Variants in PTPRD observed in about 807,000 individuals in gnomAD.
PTPRD encodes protein tyrosine phosphatase receptor type D.
In PTPRD, 34 loss-of-function variants were observed where a neutral mutation model predicts 214.5. That is an observed-to-expected ratio of 0.16 (90% CI 0.12 to 0.21). The LOEUF is 0.21. PTPRD is among the 10% of genes least tolerant of loss of function. PTPRD has a pLI of 1.00. For synonymous variants in PTPRD, 1,128 were observed against 845.7 expected (o/e 1.33, Z -5.79); for missense variants, 2,545 against 2,398.7 (o/e 1.06, Z -1.27).
At chr9:9,888,740 C>T (rs960766792) in intron 5 of PTPRD, among the ~76,000 whole-genome samples, 1 of 152,062 alleles carries the variant, frequency 6.6e-6, no homozygotes, top group Non-Finnish European at 1.5e-5. Flanking sequence ...CCAAATAGGC[C>T]TCTTTTCTTT....
chr9:10,113,409 C>G (rs291294), intron 3 of PTPRD, among the ~76,000 whole-genome samples: 85,728 of 152,008 alleles, frequency 0.56, 25,230 homozygotes, highest in Middle Eastern at 0.77. Flanking sequence ...TTCCTCTGCA[C>G]AGATACAGAT....
chr9:9,830,612 T>C (rs747760109), intron 5 of PTPRD, among the ~76,000 whole-genome samples: 10 of 151,928 alleles, frequency 6.6e-5, no homozygotes, highest in Non-Finnish European at 1.2e-4. Context: ...CCTCTTCTCA[T>C]GTACTGCAGC....
rs550176168 is a variant in PTPRD at position 9,805,453 on chromosome 9, G to T, written c.-367-38602C>A. On this transcript the variant is annotated intron_variant, in intron 5 of 45. Coordinates refer to ENST00000381196, the MANE Select transcript of PTPRD (RefSeq NM_002839.4). ...ATTTGACTTCACAGGTTTATTCCTA[G>T]ATCAACTCTGTACCAGCTCAGTTAA... 2.0e-5 allele frequency among the ~76,000 whole-genome samples: 3 copies of T among 152,228 alleles called. No homozygotes were observed. In the East Asian group the frequency reaches 5.8e-4, roughly 29 times the overall value.
chr9:9,758,940 C>T (rs2098620444), intron 6 of PTPRD, among the ~76,000 whole-genome samples: 1 of 151,958 alleles, frequency 6.6e-6, no homozygotes, highest in African/African-American at 2.4e-5. Context: ...ATAGAATTGT[C>T]AAATGTGATT....
chr9:10,123,758 A>G (rs2098794679), intron 3 of PTPRD, among the ~76,000 whole-genome samples: 1 of 152,224 alleles, frequency 6.6e-6, no homozygotes, highest in Non-Finnish European at 1.5e-5. Flanking sequence ...ACTGATGCTC[A>G]TGGTGTTAAG....
intron 10 of PTPRD, among the ~76,000 whole-genome samples, chr9:9,140,674 G>T (rs2099858745): frequency 1.3e-5 from 2 of 152,206 alleles, no homozygotes; most frequent in South Asian, 2.1e-4. Flanking sequence ...CGCCTCCCGG[G>T]TTCACGCCAT....
chr9:9,869,456 C>T (rs1402741872), intron 5 of PTPRD, among the ~76,000 whole-genome samples: 1 of 152,108 alleles, frequency 6.6e-6, no homozygotes, highest in Non-Finnish European at 1.5e-5. Context: ...TCTCTGTGGA[C>T]ACTACCTGGA....
rs189906412 is a variant in PTPRD at position 8,963,174 on chromosome 9, T to C, written c.-104+55523A>G. On this transcript the variant is annotated intron_variant, in intron 11 of 45. Coordinates refer to ENST00000381196, the MANE Select transcript of PTPRD (RefSeq NM_002839.4). ...AATATGATTCCATTCATTTACAGTA[T>C]AAAAAAGGAAAACTGAGACTTGTAA... 12 of 152,114 alleles carry C rather than the reference T, an allele frequency of 7.9e-5. No homozygotes were observed. The East Asian group carries it at 2.1e-3, about 27-fold the overall frequency. The allele number at this position is 152,114 out of a possible 1,614,324, so 9.4% of individuals were successfully genotyped here.
At chr9:9,266,517 A>G (rs115204646) in intron 9 of PTPRD, among the ~76,000 whole-genome samples, 2,026 of 151,442 alleles carry the variant, frequency 0.013, 46 homozygotes, top group African/African-American at 0.047. Context: ...TAACTCTTAG[A>G]AAATTTAAGC....
At chr9:10,208,367 A>C (rs2099495786) in intron 3 of PTPRD, among the ~76,000 whole-genome samples, 1 of 152,104 alleles carries the variant, frequency 6.6e-6, no homozygotes, top group Non-Finnish European at 1.5e-5. Flanking sequence ...ACAAAAAATT[A>C]GCCGGGCGTG....
intron 7 of PTPRD, among the ~76,000 whole-genome samples, chr9:9,723,238 C>T (rs948512999): frequency 2.0e-5 from 3 of 151,966 alleles, no homozygotes; most frequent in African/African-American, 7.2e-5. Flanking sequence ...ATAAGACTAT[C>T]CAGTTGTCTC....
intron 8 of PTPRD, among the ~76,000 whole-genome samples, chr9:9,567,758 G>C (rs1041242585): frequency 6.6e-6 from 1 of 151,918 alleles, no homozygotes; most frequent in African/African-American, 2.4e-5. Context: ...TTCCATGGAA[G>C]CAGAACACAT....
At chr9:8,761,551 C>T (rs2094415345) in intron 11 of PTPRD, among the ~76,000 whole-genome samples, 1 of 152,088 alleles carries the variant, frequency 6.6e-6, no homozygotes, top group Non-Finnish European at 1.5e-5. Flanking sequence ...AGGGTTGCAG[C>T]ACAGAAAGCG....
intron 12 of PTPRD, among the ~76,000 whole-genome samples, chr9:8,707,182 G>T (rs2098227943): frequency 6.6e-6 from 1 of 152,176 alleles, no homozygotes; most frequent in African/African-American, 2.4e-5. Flanking sequence ...TAAAATATGT[G>T]GGTATATTAC....
chr9:8,998,514 A>G (rs1351848929), intron 11 of PTPRD, among the ~76,000 whole-genome samples: 1 of 152,050 alleles, frequency 6.6e-6, no homozygotes, highest in Non-Finnish European at 1.5e-5. Flanking sequence ...TTCTGTAAAA[A>G]CATTGCTGCT....
At chr9:8,595,656 A>T (rs1456450717) in intron 14 of PTPRD, among the ~76,000 whole-genome samples, 1 of 152,218 alleles carries the variant, frequency 6.6e-6, no homozygotes, top group Non-Finnish European at 1.5e-5. Flanking sequence ...AATGCTATTC[A>T]TGAAGTGCAT....
intron 11 of PTPRD, among the ~76,000 whole-genome samples, chr9:8,945,322 GAA>G (rs2099057208): frequency 6.8e-6 from 1 of 146,654 alleles, no homozygotes. Flanking sequence ...TATATATTTG[GAA>G]AAAAATCTCT....
chr9:10,600,907 A>G (rs114525936), intron 2 of PTPRD, among the ~76,000 whole-genome samples: 7,155 of 151,860 alleles, frequency 0.047, 216 homozygotes, highest in East Asian at 0.094. Flanking sequence ...CAGCCTCTCC[A>G]ACAGAGAAAA....
At chr9:9,401,447 T>C (rs1431323166) in intron 8 of PTPRD, among the ~76,000 whole-genome samples, 1 of 152,052 alleles carries the variant, frequency 6.6e-6, no homozygotes, top group East Asian at 1.9e-4. Context: ...GGACTTGGAC[T>C]GAAGTGGCAA....
Sources: allele counts gnomAD v4.1 joint callset (sites outside exome capture counted in the v4.1 genomes callset), GRCh38; gene constraint gnomAD v4.1.1; transcripts MANE v1.5; gene names NCBI Gene and HGNC (gene_info 2026-07-23, HGNC 2026-07-21).